Variants in GRM7 observed in about 807,000 individuals in gnomAD.
GRM7 encodes the protein glutamate metabotropic receptor 7.
Under a neutral mutation model 84.5 loss-of-function variants are expected in GRM7, and 35 were observed. The ratio of observed to expected loss-of-function variants is 0.41; its 90% CI spans 0.32 to 0.55. GRM7 has a LOEUF of 0.55. Among genes scored for constraint, GRM7 ranks in the 20% least tolerant of loss-of-function variants. The pLI is 0.19. For synonymous variants in GRM7, 487 were observed against 455.1 expected (o/e 1.07, Z -0.89); for missense variants, 1,003 against 1,194.6 (o/e 0.84, Z 2.36).
intron 1 of GRM7, among the ~76,000 whole-genome samples, chr3:7,036,987 C>T (rs952098861): frequency 1.6e-4 from 24 of 152,296 alleles, no homozygotes; most frequent in African/African-American, 5.3e-4. Flanking sequence ...GATCAGCGGT[C>T]TGCCTTGAAT....
intron 1 of GRM7, among the ~76,000 whole-genome samples, chr3:6,894,647 T>C (rs1696107718): frequency 6.6e-6 from 1 of 152,064 alleles, no homozygotes; most frequent in Non-Finnish European, 1.5e-5. Context: ...TAAGTAAAAT[T>C]TCAACTTGCA....
chr3:7,556,730 A>G (rs1351938), intron 7 of GRM7, among the ~76,000 whole-genome samples: 73,649 of 152,000 alleles, frequency 0.48, 19,056 homozygotes, highest in East Asian at 0.56. Context: ...ATCATTGACA[A>G]TCATTGACAA....
intron 1 of GRM7, among the ~76,000 whole-genome samples, chr3:7,121,076 A>C (rs185933317): frequency 6.8e-4 from 104 of 152,240 alleles, no homozygotes; most frequent in African/African-American, 2.5e-3. Context: ...GATTCTTGAC[A>C]TATATAGATT....
intron 2 of GRM7, among the ~76,000 whole-genome samples, chr3:7,156,082 A>G (rs192776143): frequency 1.3e-5 from 2 of 152,298 alleles, no homozygotes; most frequent in Admixed American, 1.3e-4. Flanking sequence ...AAGCAATGAT[A>G]TTAGGGTGTA....
intron 7 of GRM7, among the ~76,000 whole-genome samples, chr3:7,483,434 A>T (rs1699207600): frequency 6.6e-6 from 1 of 152,172 alleles, no homozygotes; most frequent in Non-Finnish European, 1.5e-5. Context: ...GCAACAGAGG[A>T]GCAGAACCCT....
rs188424815 is a variant in GRM7 at position 7,146,171 on chromosome 3, C to T, written c.520-281C>T. On this transcript the variant is annotated intron_variant, in intron 1 of 9. Transcript: ENST00000357716. Reference sequence around the variant, plus strand: ...TAGAATGGTCATAAATCTTTTTCTTCTAAACAACCATGACCCTGACCTTGG... The same window carrying T: ...TAGAATGGTCATAAATCTTTTTCTTTTAAACAACCATGACCCTGACCTTGG... Among the ~76,000 whole-genome samples the T allele has an allele frequency of 2.6e-5, 4 of 152,234 alleles. No homozygotes were observed. The East Asian group carries it at 7.7e-4, about 29-fold the overall frequency.
intron 8 of GRM7, among the ~76,000 whole-genome samples, chr3:7,672,068 C>T (rs892506886): frequency 6.6e-6 from 1 of 152,034 alleles, no homozygotes; most frequent in African/African-American, 2.4e-5. Context: ...GATGCAAACT[C>T]CCTCCCCTGC....
intron 2 of GRM7, among the ~76,000 whole-genome samples, chr3:7,282,985 G>T (rs1699307184): frequency 6.6e-6 from 1 of 152,168 alleles, no homozygotes; most frequent in Admixed American, 6.5e-5. Context: ...GGGCCTAATA[G>T]TAAGTAACTT....
rs149361926 is a variant in GRM7 at position 7,587,917 on chromosome 3, T to C, written c.2451+8560T>C. Among the ~76,000 whole-genome samples the C allele has an allele frequency of 1.7e-3, 257 of 152,180 alleles. 1 individual carries two copies. The highest frequency in any genetic ancestry group is 5.6e-3 in the African/African-American group (231 of 41,516). On this transcript the variant is annotated intron_variant, in intron 8 of 9. Coordinates refer to ENST00000357716, the MANE Select transcript of GRM7 (RefSeq NM_000844.4). ...TTCAGAAAGAGGCCAGTGAACCCCT[T>C]ATACCAAAGAACGTTAGATGGGAAC...
intron 1 of GRM7, among the ~76,000 whole-genome samples, chr3:6,955,821 G>T (rs1390420615): frequency 7.1e-6 from 1 of 140,136 alleles, no homozygotes; most frequent in Non-Finnish European, 1.5e-5. Context: ...CAGATTGGAC[G>T]ACACAGTGAG....
At chr3:7,136,808 AT>A (rs1693787902) in intron 1 of GRM7, among the ~76,000 whole-genome samples, 1 of 152,138 alleles carries the variant, frequency 6.6e-6, no homozygotes, top group Non-Finnish European at 1.5e-5. Context: ...GGAAACAATG[AT>A]GAGCAAGGTC....
chr3:7,466,235 C>T (rs192923259), intron 7 of GRM7, among the ~76,000 whole-genome samples: 90 of 152,202 alleles, frequency 5.9e-4, no homozygotes, highest in African/African-American at 2.1e-3. Flanking sequence ...CAGATCCATG[C>T]ACCCCAAGTT....
chr3:7,270,564 A>G (rs1698817319), intron 2 of GRM7, among the ~76,000 whole-genome samples: 1 of 152,078 alleles, frequency 6.6e-6, no homozygotes. Flanking sequence ...GATCTTCTCC[A>G]TGATACCTTA....
intron 1 of GRM7, among the ~76,000 whole-genome samples, chr3:7,034,991 G>T (rs529586280): frequency 1.3e-3 from 192 of 152,266 alleles, no homozygotes; most frequent in Non-Finnish European, 2.2e-3. Context: ...ATGGCTTCGT[G>T]AGATTTGACC....
At chr3:7,288,553 T>C (rs1445570483) in intron 2 of GRM7, among the ~76,000 whole-genome samples, 1 of 152,144 alleles carries the variant, frequency 6.6e-6, no homozygotes, top group Non-Finnish European at 1.5e-5. Flanking sequence ...ATCCGTAAAG[T>C]GGACCCATAC....
intron 1 of GRM7, among the ~76,000 whole-genome samples, chr3:6,987,229 G>T (rs1407314641): frequency 6.6e-6 from 1 of 152,118 alleles, no homozygotes; most frequent in Non-Finnish European, 1.5e-5. Context: ...GCACTGCTTG[G>T]CATGTACTGC....
chr3:7,507,442 T>C (rs553751725), intron 7 of GRM7, among the ~76,000 whole-genome samples: 1 of 152,330 alleles, frequency 6.6e-6, no homozygotes, highest in African/African-American at 2.4e-5. Context: ...TTGTAACTAA[T>C]GGAAAACGTT....
chr3:7,019,174 T>A (rs970439163), intron 1 of GRM7, among the ~76,000 whole-genome samples: 5 of 152,190 alleles, frequency 3.3e-5, no homozygotes, highest in African/African-American at 4.8e-5. Context: ...ATTGTCACAA[T>A]TTTTTTGAAG....
intron 2 of GRM7, among the ~76,000 whole-genome samples, chr3:7,291,489 GCTCTCTCTCTCTCTCTCTCTCTCTCTCT>G (rs71063301): frequency 0.22 from 23,779 of 109,740 alleles, 2,788 homozygotes; most frequent in East Asian, 0.33. Context: ...AGTCATGCCA[GCTCTCTCTCTCTCTCTCTCTCTCTCTCT>G]CTCTCTCTCT....
Sources: allele counts gnomAD v4.1 joint callset (sites outside exome capture counted in the v4.1 genomes callset), GRCh38; gene constraint gnomAD v4.1.1; transcripts MANE v1.5; gene names NCBI Gene and HGNC (gene_info 2026-07-23, HGNC 2026-07-21).